ZHX2: variants seen among roughly 807,000 people sequenced by gnomAD.
ZHX2 encodes zinc fingers and homeoboxes protein 2.
In ZHX2, 6 loss-of-function variants were observed where a neutral mutation model predicts 21.9. The observed-to-expected ratio is 0.27, with a 90% CI of 0.15 to 0.54. The LOEUF (loss-of-function observed/expected upper bound fraction) is 0.54, where lower values mean the gene tolerates loss of function less well. Ranked by LOEUF, ZHX2 falls within the 20% of genes least tolerant of loss-of-function variation. The pLI, the probability that ZHX2 is intolerant of heterozygous loss-of-function variation, is 0.95. For synonymous variants in ZHX2, 434 were observed against 437.1 expected, an observed-to-expected ratio of 0.99 and a Z score of 0.09; for missense variants, 908 against 1,090.7, an observed-to-expected ratio of 0.83 and a Z score of 2.36.
chr8:122,920,252 C>G (rs765086184), intron 2 of ZHX2, among the ~76,000 whole-genome samples: 3 of 151,716 alleles, frequency 2.0e-5, no homozygotes, highest in Non-Finnish European at 4.4e-5. Context: ...CCAGCCTGAG[C>G]AACAAGAGTG....
chr8:122,950,601 T>G (rs1266247241), intron 2 of ZHX2, among the ~76,000 whole-genome samples: 1 of 151,992 alleles, frequency 6.6e-6, no homozygotes, highest in Non-Finnish European at 1.5e-5. Flanking sequence ...TTTAAAAAAG[T>G]CCAATGGCTG....
intron 1 of ZHX2, among the ~76,000 whole-genome samples, chr8:122,798,078 G>A (rs78734781): frequency 3.5e-3 from 528 of 152,332 alleles, no homozygotes; most frequent in African/African-American, 0.012. Flanking sequence ...GCAACGCAGC[G>A]AGGAAGGGGC....
intron 2 of ZHX2, among the ~76,000 whole-genome samples, chr8:122,892,966 G>A (rs573065929): frequency 1.1e-4 from 17 of 152,352 alleles, no homozygotes; most frequent in African/African-American, 4.1e-4. Flanking sequence ...TTACAGGCAT[G>A]AGCCACCATG....
intron 3 of ZHX2, among the ~76,000 whole-genome samples, chr8:122,968,506 C>T (rs989216751): frequency 1.3e-5 from 2 of 152,132 alleles, no homozygotes; most frequent in African/African-American, 4.8e-5. Flanking sequence ...AGACTGTGCC[C>T]CCTACCCTCA....
chr8:122,804,603 T>C (rs1170350776), intron 1 of ZHX2, among the ~76,000 whole-genome samples: 2 of 152,136 alleles, frequency 1.3e-5, no homozygotes, highest in Non-Finnish European at 2.9e-5. Context: ...GCCGGAGGTA[T>C]GCAAAAAGCA....
intron 1 of ZHX2, among the ~76,000 whole-genome samples, chr8:122,795,339 A>C (rs1235156968): frequency 6.6e-6 from 1 of 152,334 alleles, no homozygotes; most frequent in South Asian, 2.1e-4. Context: ...CTTTTGGCCT[A>C]TCTTGGCCAA....
At chr8:122,865,322 G>A (rs958344020) in intron 2 of ZHX2, among the ~76,000 whole-genome samples, 4 of 152,046 alleles carry the variant, frequency 2.6e-5, no homozygotes, top group Non-Finnish European at 5.9e-5. Context: ...TAGAGATGGG[G>A]TTTCACCATG....
intron 2 of ZHX2, among the ~76,000 whole-genome samples, chr8:122,876,377 C>T (rs1819573221): frequency 1.3e-5 from 2 of 152,130 alleles, no homozygotes; most frequent in African/African-American, 4.8e-5. Context: ...GTTACCATGA[C>T]AATATTATTT....
In ZHX2 at chr8:122,930,917, G is replaced by A. The variant is rs559441957; in HGVS notation, c.-219-20375G>A. ...GTCCATCCACCAAGATGTCACACCAGGAAGGTCAACCAGAACCATCCCTTT... is the reference window on the plus strand; with the variant it reads ...GTCCATCCACCAAGATGTCACACCAAGAAGGTCAACCAGAACCATCCCTTT... On this transcript the variant is annotated intron_variant, in intron 2 of 3. Coordinates refer to ENST00000314393, the MANE Select transcript of ZHX2 (RefSeq NM_014943.5). 3.9e-5 allele frequency among the ~76,000 whole-genome samples: 6 copies of A among 151,954 alleles called. No homozygotes were observed. In the South Asian group the frequency reaches 1.3e-3, roughly 32 times the overall value.
intron 1 of ZHX2, among the ~76,000 whole-genome samples, chr8:122,821,947 C>T (rs765222903): frequency 2.0e-5 from 3 of 152,062 alleles, no homozygotes; most frequent in Admixed American, 6.6e-5. Context: ...TCAGGTGATC[C>T]ACCCTCCTTG....
chr8:122,843,336 G>A (rs943600559), intron 1 of ZHX2, among the ~76,000 whole-genome samples: 2 of 152,162 alleles, frequency 1.3e-5, no homozygotes, highest in African/African-American at 2.4e-5. Context: ...AGAGCAAAAC[G>A]TGGGCTATTT....
At chr8:122,908,617 A>G (rs1000952721) in intron 2 of ZHX2, among the ~76,000 whole-genome samples, 7 of 152,132 alleles carry the variant, frequency 4.6e-5, no homozygotes, top group African/African-American at 1.7e-4. Flanking sequence ...AACCCTTGTT[A>G]TCACTGTCTC....
intron 1 of ZHX2, among the ~76,000 whole-genome samples, chr8:122,834,406 T>C (rs1818451875): frequency 6.6e-6 from 1 of 152,184 alleles, no homozygotes; most frequent in Admixed American, 6.5e-5. Flanking sequence ...TGCGCTTACC[T>C]GGGTTTGGGC....
intron 2 of ZHX2, among the ~76,000 whole-genome samples, chr8:122,948,484 T>C (rs1488491703): frequency 1.3e-5 from 2 of 152,164 alleles, no homozygotes; most frequent in Non-Finnish European, 2.9e-5. Context: ...ATTTCACAGG[T>C]GATATTGATT....
chr8:122,861,509 C>T (rs1231808917), intron 1 of ZHX2, among the ~76,000 whole-genome samples: 1 of 152,100 alleles, frequency 6.6e-6, no homozygotes, highest in Non-Finnish European at 1.5e-5. Flanking sequence ...GACTGTTTTC[C>T]TCTTGGTCTG....
At chr8:122,856,068 G>A (rs959772306) in intron 1 of ZHX2, among the ~76,000 whole-genome samples, 1 of 152,194 alleles carries the variant, frequency 6.6e-6, no homozygotes, top group African/African-American at 2.4e-5. Context: ...TCAAATCACA[G>A]CACGTCACTT....
chr8:122,920,455 C>G (rs1419586553), intron 2 of ZHX2, among the ~76,000 whole-genome samples: 2 of 151,976 alleles, frequency 1.3e-5, no homozygotes, highest in Non-Finnish European at 2.9e-5. Flanking sequence ...TTTTGACACA[C>G]CCATGCTGTT....
intron 2 of ZHX2, among the ~76,000 whole-genome samples, chr8:122,921,676 AAGGG>A (rs1169678881): frequency 3.4e-5 from 5 of 148,562 alleles, no homozygotes; most frequent in Admixed American, 1.3e-4. Context: ...GAAAGTGAGG[AAGGG>A]AGGGAGGGAG....
At position 122,828,806 on chromosome 8, in the gene ZHX2, G is replaced by A. The variant is rs1004203913; in HGVS notation, c.-282-34671G>A. On this transcript the variant is annotated intron_variant, in intron 1 of 3. Transcript: ENST00000314393. The surrounding 1 kb of genome is among the most constrained non-coding windows in gnomAD (Gnocchi z 5.2). ...TGTTCTCATTGGGAATATAAATGAA[G>A]TACAACCGGTTTGGGCTCTACCCAG... Among the ~76,000 whole-genome samples the A allele has an allele frequency of 3.1e-4, 47 of 152,204 alleles. No individual in the cohort carries two copies. Among genetic ancestry groups the A allele is most frequent in the African/African-American group, 1.1e-3 (45 of 41,440 alleles).
Sources: gnomAD v4.1 joint callset for allele counts (sites outside exome capture counted in the v4.1 genomes callset) on GRCh38, gnomAD v4.1.1 for gene constraint, Gnocchi (gnomAD v3.1) non-coding constraint, MANE v1.5 for transcripts, NCBI Gene and HGNC (gene_info 2026-07-23, HGNC 2026-07-21) for gene names.